The following PIK3CA variants were observed in gnomAD, a reference collection of about 807,000 sequenced individuals.
The protein encoded by PIK3CA is phosphatidylinositol 4,5-bisphosphate 3-kinase catalytic subunit alpha isoform.
PIK3CA carries 27 observed loss-of-function variants against 138.2 expected under a neutral mutation model. The observed-to-expected ratio is 0.20, with a 90% CI of 0.14 to 0.27. PIK3CA has a LOEUF of 0.27. Ranked by LOEUF, PIK3CA falls within the 10% of genes least tolerant of loss-of-function variation. The pLI, the probability that PIK3CA is intolerant of heterozygous loss-of-function variation, is 1.00. For synonymous variants in PIK3CA, 358 were observed against 413.2 expected (o/e 0.87, Z 1.62); for missense variants, 544 against 1,277.4 (o/e 0.43, Z 8.75).
At chr3:179,210,617 G>A (rs2108401939) in intron 9 of PIK3CA, 52 bp downstream of exon 9, 2 of 1,550,634 alleles carry the variant, frequency 1.3e-6, no homozygotes, top group Non-Finnish European at 1.8e-6. Flanking sequence ...TGTGGATTTA[G>A]GTAGATACTT....
chr3:179,159,655 C>G (rs530429628), intron 1 of PIK3CA, among the ~76,000 whole-genome samples: 32 of 152,140 alleles, frequency 2.1e-4, no homozygotes, highest in Non-Finnish European at 4.0e-4. Flanking sequence ...CCTACTCAGT[C>G]AAACATAAAA....
chr3:179,166,237 G>A (rs187784725), intron 1 of PIK3CA, among the ~76,000 whole-genome samples: 20 of 152,274 alleles, frequency 1.3e-4, no homozygotes, highest in African/African-American at 3.9e-4. Context: ...GCTTGTAAGC[G>A]TAGGCTCAAG....
chr3:179,219,931 T>C lies in PIK3CA; in HGVS notation c.1912-18T>C, dbSNP rs1445802132. ...CATGCAGAAACTGACCCTGATTTGT[T>C]TTTTTGGAATCACCTAGGTCCTAAA... On this transcript the variant is annotated intron_variant, in intron 12 of 20. Transcript: ENST00000263967. This position sits in a 1 kb window ranked among gnomAD's most constrained non-coding sequence, Gnocchi z 4.2. The C allele has an allele frequency of 6.2e-7, 1 of 1,606,418 alleles. No individual in the cohort carries two copies. Among genetic ancestry groups the C allele is most frequent in the East Asian group, 2.2e-5 (1 of 44,628 alleles).
chr3:179,230,452 A>G lies in PIK3CA; in HGVS notation c.2936+76A>G. On this transcript the variant is annotated intron_variant, in intron 20 of 20. Transcript: ENST00000263967. The surrounding 1 kb of genome is among the most constrained non-coding windows in gnomAD (Gnocchi z 5.4). ...TAGAAACAATCAATATTTTTCAAGCAATTTCAAAATAATAAATGTTGGCTG... is the reference window on the plus strand; with the variant it reads ...TAGAAACAATCAATATTTTTCAAGCGATTTCAAAATAATAAATGTTGGCTG... The G allele has an allele frequency of 3.2e-6, 4 of 1,264,764 alleles. No homozygotes were observed. Among genetic ancestry groups the G allele is most frequent in the Non-Finnish European group, 4.4e-6 (4 of 908,240 alleles). 78.3% of individuals were successfully genotyped at this position (1,264,764 alleles called of 1,614,324 possible). A position where few individuals can be genotyped will look rare whatever the true frequency, so the allele number is the denominator to read the frequency against.
intron 1 of PIK3CA, among the ~76,000 whole-genome samples, chr3:179,169,836 G>A (rs1723506637): frequency 6.6e-6 from 1 of 152,168 alleles, no homozygotes; most frequent in Admixed American, 6.5e-5. Flanking sequence ...CAAAAAAACT[G>A]CAAGCCAATC....
intron 2 of PIK3CA, 85 bp from the exon 3 acceptor site, chr3:179,199,605 C>G: frequency 1.0e-6 from 1 of 977,262 alleles, no homozygotes; most frequent in Non-Finnish European, 1.5e-6. Flanking sequence ...TCTTCCAAAT[C>G]TACAGAGTTC....
chr3:179,216,332 A>G (rs1347361814), intron 9 of PIK3CA, among the ~76,000 whole-genome samples: 1 of 152,226 alleles, frequency 6.6e-6, no homozygotes, highest in South Asian at 2.1e-4. Context: ...ATTTTGTGAC[A>G]AGAACCTGAA....
intron 20 of PIK3CA, among the ~76,000 whole-genome samples, chr3:179,232,857 C>CT (rs923777339): frequency 2.3e-4 from 35 of 150,676 alleles, no homozygotes; most frequent in South Asian, 4.2e-4. Context: ...ATCTAGGAGT[C>CT]TTTTTTTTTA....
chr3:179,149,570 C>A (rs938307166), intron 1 of PIK3CA: 1 of 152,222 alleles, frequency 6.6e-6, no homozygotes, highest in Non-Finnish European at 1.5e-5. Context: ...TCTGCATATT[C>A]TTTAATGAAT....
chr3:179,193,993 T>C (rs1210217089), intron 1 of PIK3CA, among the ~76,000 whole-genome samples: 2 of 152,220 alleles, frequency 1.3e-5, no homozygotes, highest in Non-Finnish European at 2.9e-5. Flanking sequence ...TATTGGTATT[T>C]AATTTTTTCT....
chr3:179,190,283 A>G (rs962815841), intron 1 of PIK3CA, among the ~76,000 whole-genome samples: 4 of 151,796 alleles, frequency 2.6e-5, no homozygotes, highest in African/African-American at 9.7e-5. Context: ...GTGCATAAAA[A>G]AAAGTGCACT....
intron 2 of PIK3CA, 74 bp from the exon 3 acceptor site, chr3:179,199,616 C>T (rs1053090463): frequency 1.0e-5 from 11 of 1,097,838 alleles, no homozygotes; most frequent in South Asian, 1.5e-5. Flanking sequence ...TACAGAGTTC[C>T]CTGTTTGCAA....
intron 1 of PIK3CA, among the ~76,000 whole-genome samples, chr3:179,178,387 A>G (rs979146397): frequency 6.6e-6 from 1 of 152,172 alleles, no homozygotes; most frequent in African/African-American, 2.4e-5. Context: ...TAAGCACATG[A>G]AAAGATTTCC....
chr3:179,200,702 G>A (rs1724388786), intron 3 of PIK3CA, among the ~76,000 whole-genome samples: 1 of 152,122 alleles, frequency 6.6e-6, no homozygotes, highest in Non-Finnish European at 1.5e-5. Context: ...TGAAAGAAAT[G>A]TACTGTGAAC....
chr3:179,154,261 C>T (rs943134258), intron 1 of PIK3CA, among the ~76,000 whole-genome samples: 14 of 152,180 alleles, frequency 9.2e-5, no homozygotes, highest in East Asian at 3.9e-4. Context: ...TGTTAGGAAC[C>T]GGGCTGCACA....
chr3:179,212,296 C>G (rs1438383167), intron 9 of PIK3CA, among the ~76,000 whole-genome samples: 1 of 149,090 alleles, frequency 6.7e-6, no homozygotes, highest in Non-Finnish European at 1.5e-5. Context: ...GCGTGAGCCA[C>G]CGCGCCCGGC....
At chr3:179,212,638 A>T (rs1161762579) in intron 9 of PIK3CA, among the ~76,000 whole-genome samples, 3 of 151,334 alleles carry the variant, frequency 2.0e-5, no homozygotes, top group African/African-American at 7.3e-5. Flanking sequence ...ATGGGGTCTC[A>T]CTGTGTTGCC....
At chr3:179,227,285 C>T (rs1256527288) in intron 17 of PIK3CA, among the ~76,000 whole-genome samples, 4 of 151,724 alleles carry the variant, frequency 2.6e-5, no homozygotes, top group African/African-American at 9.7e-5. Context: ...AATTCAGAAT[C>T]GGGTTTATTT....
chr3:179,223,120 T>C (rs192624395), intron 14 of PIK3CA, among the ~76,000 whole-genome samples: 1 of 152,324 alleles, frequency 6.6e-6, no homozygotes, highest in Non-Finnish European at 1.5e-5. Flanking sequence ...ATAAGAAGCA[T>C]TGTGCTAACA....
Sources: allele counts gnomAD v4.1 joint callset (sites outside exome capture counted in the v4.1 genomes callset), GRCh38; gene constraint gnomAD v4.1.1; non-coding constraint Gnocchi (gnomAD v3.1); transcripts MANE v1.5; gene names NCBI Gene and HGNC (gene_info 2026-07-23, HGNC 2026-07-21).